Variants in MAP3K2 observed in about 807,000 individuals in gnomAD.
MAP3K2 encodes the protein mitogen-activated protein kinase kinase kinase 2, also known as MAP/ERK kinase kinase 2.
A neutral mutation model predicts 80.3 loss-of-function variants in MAP3K2; 24 were observed. The observed-to-expected ratio is 0.30, with a 90% CI of 0.22 to 0.42. The LOEUF (loss-of-function observed/expected upper bound fraction) is 0.42, where lower values mean the gene tolerates loss of function less well. Ranked by LOEUF, MAP3K2 falls within the 10% of genes least tolerant of loss-of-function variation. MAP3K2 has a pLI of 1.00. For missense variants in MAP3K2, 608 were observed against 750.1 expected (o/e 0.81, Z 2.21); for synonymous variants, 244 against 253.7 (o/e 0.96, Z 0.36).
chr2:127,362,445 T>G (rs1167872187), intron 1 of MAP3K2, among the ~76,000 whole-genome samples: 1 of 152,268 alleles, frequency 6.6e-6, no homozygotes, highest in African/African-American at 2.4e-5. Flanking sequence ...CCACCCCACT[T>G]AGTTCTCAAT....
Position 127,317,736 on chromosome 2 carries a change from T to C in MAP3K2, c.1219A>G (p.Ile407Val). Residue 407 changes from isoleucine to valine, a missense_variant, in exon 14 of 17, where the codon ATT becomes GTT. By Grantham distance (29) the Ile-to-Val change is conservative (BLOSUM62 3). Transcript: ENST00000682094. ...TGTAGCAAGTTTTTCAGCAACTGAA[T>C]TTCACACTCAAGTGCATTTACTTCC... ...SKEVNALECE[I>V]QLLKNLLHER... 3 of 1,602,928 alleles carry C rather than the reference T, an allele frequency of 1.9e-6. No individual in the cohort carries two copies. The highest frequency in any genetic ancestry group is 2.6e-6 in the Non-Finnish European group (3 of 1,174,126).
chr2:127,314,358 C>T (rs939300782), intron 15 of MAP3K2, among the ~76,000 whole-genome samples: 1 of 152,186 alleles, frequency 6.6e-6, no homozygotes, highest in Non-Finnish European at 1.5e-5. Flanking sequence ...TTATCTCCAT[C>T]ATTTAAGAAT....
chr2:127,320,680 G>C (rs1297989503), intron 12 of MAP3K2, among the ~76,000 whole-genome samples: 1 of 152,162 alleles, frequency 6.6e-6, no homozygotes, highest in Non-Finnish European at 1.5e-5. Context: ...TCACACTGTA[G>C]AAAATCAAAG....
intron 1 of MAP3K2, among the ~76,000 whole-genome samples, chr2:127,353,614 AGGTGGGGGG>A (rs1686742262): frequency 6.9e-6 from 1 of 145,666 alleles, no homozygotes; most frequent in Admixed American, 6.8e-5. Flanking sequence ...TCCGGGAGGG[AGGTGGGGGG>A]GGTCAAACCC....
intron 5 of MAP3K2, among the ~76,000 whole-genome samples, chr2:127,335,440 A>G (rs1415800336): frequency 2.0e-5 from 3 of 152,324 alleles, no homozygotes; most frequent in African/African-American, 4.8e-5. Context: ...CAGATCATAC[A>G]TACTGATTCC....
chr2:127,322,788 T>C lies in MAP3K2; in HGVS notation c.839-536A>G, dbSNP rs1558976353. Reference sequence around the variant, plus strand: ...TTTTGTATTTTTAGTAGAGACGGGGTTTCATCACGTTGGCCAGGCTGGTCT... The same window carrying C: ...TTTTGTATTTTTAGTAGAGACGGGGCTTCATCACGTTGGCCAGGCTGGTCT... On this transcript the variant is annotated intron_variant, in intron 11 of 16. Coordinates refer to ENST00000682094, the MANE Select transcript of MAP3K2 (RefSeq NM_001371910.2). The surrounding 1 kb of genome is among the most constrained non-coding windows in gnomAD (Gnocchi z 4.2). Among the ~76,000 whole-genome samples the C allele has an allele frequency of 6.6e-6, 1 of 150,480 alleles. No individual in the cohort carries two copies. Among genetic ancestry groups the C allele is most frequent in the Non-Finnish European group, 1.5e-5 (1 of 67,544 alleles).
At chr2:127,380,511 C>T (rs903986007) in intron 1 of MAP3K2, among the ~76,000 whole-genome samples, 2 of 152,088 alleles carry the variant, frequency 1.3e-5, no homozygotes, top group Non-Finnish European at 2.9e-5. Context: ...TAATTGTTGA[C>T]CACTTGTAAG....
chr2:127,380,138 AAGG>A (rs1687220925), intron 1 of MAP3K2, among the ~76,000 whole-genome samples: 1 of 152,174 alleles, frequency 6.6e-6, no homozygotes, highest in Non-Finnish European at 1.5e-5. Flanking sequence ...AGCACTGCAA[AAGG>A]AGATCCCTGC....
At position 127,307,854 on chromosome 2, in the gene MAP3K2, A is replaced by C. The variant is rs534122283; in HGVS notation, c.1635-50T>G. 22 of 1,272,760 alleles carry C rather than the reference A, an allele frequency of 1.7e-5. No individual in the cohort carries two copies. In the African/African-American group the frequency reaches 2.1e-4, roughly 12 times the overall value. The allele number at this position is 1,272,760 out of a possible 1,614,324, so 78.8% of individuals were successfully genotyped here. On this transcript the variant is annotated intron_variant, in intron 16 of 16. Transcript: ENST00000682094. This position sits in a 1 kb window ranked among gnomAD's most constrained non-coding sequence, Gnocchi z 5.4. Reference sequence around the variant, plus strand: ...ATTACACAAACAACAACATGAAAGAAAGCTAGTTAGCTAGAAAATGAGAAA... The same window carrying C: ...ATTACACAAACAACAACATGAAAGACAGCTAGTTAGCTAGAAAATGAGAAA...
At chr2:127,320,286 G>A (rs762661472) in intron 12 of MAP3K2, among the ~76,000 whole-genome samples, 2 of 152,110 alleles carry the variant, frequency 1.3e-5, no homozygotes, top group African/African-American at 4.8e-5. Context: ...ACAGAGCGAT[G>A]GAAACTACAG....
At chr2:127,326,546 T>C in intron 8 of MAP3K2, 141 bp downstream of exon 8, 1 of 512,374 alleles carries the variant, frequency 2.0e-6, no homozygotes, top group Non-Finnish European at 3.1e-6. Context: ...CATTTTCCTA[T>C]ATTTTTTCTA....
At chr2:127,334,153 C>T (rs912735012) in intron 5 of MAP3K2, among the ~76,000 whole-genome samples, 12 of 151,622 alleles carry the variant, frequency 7.9e-5, no homozygotes, top group Admixed American at 2.6e-4. Context: ...CTCAAGAAAA[C>T]CCCAGAAAAA....
intron 1 of MAP3K2, among the ~76,000 whole-genome samples, chr2:127,370,110 C>CG (rs1192385776): frequency 5.6e-5 from 3 of 53,378 alleles, no homozygotes; most frequent in East Asian, 5.2e-4. Context: ...GCAAGACTAG[C>CG]GGGGGGTGGG....
chr2:127,355,735 G>A (rs1686785914), intron 1 of MAP3K2, among the ~76,000 whole-genome samples: 1 of 152,052 alleles, frequency 6.6e-6, no homozygotes, highest in South Asian at 2.1e-4. Context: ...AGTTTGCCGT[G>A]TCAATTGACT....
rs556099063 is a variant in MAP3K2, at chr2:127,316,129, T to C, written c.1327-1246A>G. On this transcript the variant is annotated intron_variant, in intron 14 of 16. Coordinates refer to ENST00000682094, the MANE Select transcript of MAP3K2 (RefSeq NM_001371910.2). Reference sequence around the variant, plus strand: ...GGCTCATGCCTGCAATCCCACGACATTGGGAGGTCGAGGCAGGCGGGATCA... The same window carrying C: ...GGCTCATGCCTGCAATCCCACGACACTGGGAGGTCGAGGCAGGCGGGATCA... Among the ~76,000 whole-genome samples the C allele has an allele frequency of 3.6e-4, 55 of 151,628 alleles. 1 individual carries two copies. Among genetic ancestry groups the C allele is most frequent in the South Asian group, 1.5e-3 (7 of 4,778 alleles).
chr2:127,324,343 T>C (rs912732207), intron 9 of MAP3K2, 102 bp from the exon 10 acceptor site: 2 of 654,650 alleles, frequency 3.1e-6, no homozygotes, highest in Non-Finnish European at 5.1e-6. Flanking sequence ...TCTCTGTATG[T>C]GTTTGTGTAA....
rs1223353072 is a variant in MAP3K2, at chr2:127,346,409, T to TA, written c.-65-3216_-65-3215insT. ...TTTACAGAATTTACAAAAACTGGTT[T>TA]TAAAAAAAAAAAAAAAAAAAAAAGA... On this transcript the variant is annotated intron_variant, in intron 1 of 16. Transcript: ENST00000682094. Among the ~76,000 whole-genome samples the TA allele has an allele frequency of 5.7e-3, 488 of 85,294 alleles. 8 individuals carry two copies. Among genetic ancestry groups the TA allele is most frequent in the African/African-American group, 0.019 (456 of 24,338 alleles). The allele number at this position is 85,294 out of a possible 152,430, so 56.0% of individuals were successfully genotyped here. A position where few individuals can be genotyped will look rare whatever the true frequency, so the allele number is the denominator to read the frequency against.
intron 3 of MAP3K2, 50 bp downstream of exon 3, chr2:127,338,882 G>A: frequency 8.3e-7 from 1 of 1,202,694 alleles, no homozygotes; most frequent in Non-Finnish European, 1.2e-6. Flanking sequence ...CATAAGATTA[G>A]GATATTAAAG....
At chr2:127,378,702 G>A (rs531468335) in intron 1 of MAP3K2, among the ~76,000 whole-genome samples, 1 of 152,184 alleles carries the variant, frequency 6.6e-6, no homozygotes, top group East Asian at 1.9e-4. Flanking sequence ...AAAATCATAC[G>A]TCTCTAGATG....
Sources: gnomAD v4.1 joint callset for allele counts (sites outside exome capture counted in the v4.1 genomes callset) on GRCh38, gnomAD v4.1.1 for gene constraint, Gnocchi (gnomAD v3.1) non-coding constraint, MANE v1.5 for transcripts, NCBI Gene and HGNC (gene_info 2026-07-23, HGNC 2026-07-21) for gene names.